Variants in N4BP2 observed in about 807,000 individuals in gnomAD.
The protein encoded by N4BP2 is NEDD4 binding protein 2.
A neutral mutation model predicts 152.8 loss-of-function variants in N4BP2; 91 were observed. The observed-to-expected ratio is 0.60, with a 90% confidence interval of 0.50 to 0.71. The LOEUF (loss-of-function observed/expected upper bound fraction) is 0.71, where lower values mean the gene tolerates loss of function less well. Ranked by LOEUF, N4BP2 falls within the 30% of genes least tolerant of loss-of-function variation. The probability of loss-of-function intolerance (pLI) is 0.00; values close to 1 mark genes in which losing one functional copy is unlikely to be tolerated. For missense variants in N4BP2, 1,923 were observed against 2,059.1 expected (o/e 0.93, Z 1.28); for synonymous variants, 646 against 705.3 (o/e 0.92, Z 1.33).
downstream of N4BP2, among the ~76,000 whole-genome samples, chr4:40,160,062 CA>C (rs1324867321): frequency 6.6e-6 from 1 of 151,958 alleles, no homozygotes; most frequent in Non-Finnish European, 1.5e-5. Context: ...TTAGGTGATC[CA>C]TCCGCCTCAG....
chr4:40,086,604 C>T (rs1713987089), intron 2 of N4BP2, among the ~76,000 whole-genome samples: 1 of 151,620 alleles, frequency 6.6e-6, no homozygotes, highest in South Asian at 2.1e-4. Context: ...TCCCAAAGTG[C>T]AATTGCAGGC....
chr4:40,070,973 C>T (rs570540385), intron 1 of N4BP2, among the ~76,000 whole-genome samples: 1 of 150,994 alleles, frequency 6.6e-6, no homozygotes, highest in African/African-American at 2.4e-5. Flanking sequence ...TACAGGTGTC[C>T]GCCACCATGC....
At chr4:40,166,461 G>T in the N4BP2 span, among the ~76,000 whole-genome samples, 6 of 152,178 alleles carry the variant, frequency 3.9e-5, no homozygotes, top group East Asian at 1.2e-3. Context: ...AGGCTGAGGC[G>T]GGTGGATCAC....
downstream of N4BP2, among the ~76,000 whole-genome samples, chr4:40,158,482 A>T (rs1721764847): frequency 6.6e-6 from 1 of 152,116 alleles, no homozygotes; most frequent in Non-Finnish European, 1.5e-5. Flanking sequence ...GTATCTTTTA[A>T]CTGATATCAA....
the N4BP2 span, among the ~76,000 whole-genome samples, chr4:40,188,293 G>A: frequency 6.8e-6 from 1 of 147,462 alleles, no homozygotes; most frequent in Non-Finnish European, 1.5e-5. Flanking sequence ...ATGTGCAAAG[G>A]TAGACTATGG....
At chr4:40,162,088 C>G (rs113964478), downstream of N4BP2, among the ~76,000 whole-genome samples, 1 of 152,110 alleles carries the variant, frequency 6.6e-6, no homozygotes, top group African/African-American at 2.4e-5. Context: ...CTTATGCCTC[C>G]GAAATCTCAC....
Position 40,122,087 on chromosome 4 carries a change from G to A in N4BP2, c.3976G>A (p.Asp1326Asn). ...TCCAAAGGATTATGTGAAATTTTCA[G>A]ATGAAGAAGAATTTATGAATGAAGA... ...NFPKDYVKFSDEEEFMNEDEK... is the reference protein window; with the variant it reads ...NFPKDYVKFSNEEEFMNEDEK... The change falls in exon 9 of 18, where the codon GAT becomes AAT. Residue 1326 changes from aspartate (D) to asparagine (N), a missense_variant. Asp to Asn is a conservative substitution (Grantham distance 23). Transcript: ENST00000261435. 6.4e-7 allele frequency: 1 copy of A among 1,569,996 alleles called. No individual in the cohort carries two copies. Among genetic ancestry groups the A allele is most frequent in the Non-Finnish European group, 8.6e-7 (1 of 1,156,202 alleles).
intron 13 of N4BP2, among the ~76,000 whole-genome samples, chr4:40,136,704 A>C (rs1018965630): frequency 3.6e-4 from 55 of 151,766 alleles, no homozygotes; most frequent in Admixed American, 3.6e-3. Context: ...CCAATATACT[A>C]TCTTTTGGCA....
At chr4:40,088,115 T>C (rs1040188840) in intron 2 of N4BP2, among the ~76,000 whole-genome samples, 9 of 152,234 alleles carry the variant, frequency 5.9e-5, no homozygotes, top group Non-Finnish European at 1.3e-4. Flanking sequence ...GTTGTATGCA[T>C]CAGTAATATG....
downstream of N4BP2, among the ~76,000 whole-genome samples, chr4:40,163,052 A>G (rs2109305748): frequency 6.6e-6 from 1 of 152,330 alleles, no homozygotes; most frequent in East Asian, 1.9e-4. Flanking sequence ...AGTACCTTTT[A>G]TGACTTAGTA....
rs147818251 is a variant in N4BP2, at chr4:40,128,287, C to T, written c.4527+1957C>T. ...ACACTTTCTTATTCGTTTGACTGCA[C>T]AAAGGAGCACCTTTATATTTGGCTG... On this transcript the variant is annotated intron_variant, in intron 12 of 17. Transcript: ENST00000261435. Among the ~76,000 whole-genome samples the T allele has an allele frequency of 7.3e-3, 1,118 of 152,256 alleles. 14 individuals are homozygous for T. The highest frequency in any genetic ancestry group is 0.026 in the African/African-American group (1,086 of 41,550).
chr4:40,076,542 G>A (rs569536101), intron 2 of N4BP2, among the ~76,000 whole-genome samples: 3 of 151,946 alleles, frequency 2.0e-5, no homozygotes, highest in Non-Finnish European at 2.9e-5. Context: ...CAGGCTGGGC[G>A]CAGTGGCGCC....
intron 1 of N4BP2, among the ~76,000 whole-genome samples, chr4:40,069,498 A>G (rs950970569): frequency 2.0e-5 from 3 of 152,132 alleles, no homozygotes; most frequent in East Asian, 3.9e-4. Context: ...TTTCTTCTCG[A>G]CATGTAAGGA....
the N4BP2 span, among the ~76,000 whole-genome samples, chr4:40,182,865 C>T: frequency 9.9e-5 from 15 of 152,094 alleles, no homozygotes; most frequent in South Asian, 1.9e-3. Flanking sequence ...TTAGTAGAGA[C>T]GGGGTTTCAC....
rs116705582 is a variant in N4BP2 at position 40,116,830 on chromosome 4, T to G, written c.1665-1039T>G. On this transcript the variant is annotated intron_variant, in intron 7 of 17. Coordinates refer to ENST00000261435, the MANE Select transcript of N4BP2 (RefSeq NM_018177.6). ...TATTGCCCTCATTCTTGTAAGATAC[T>G]TTTGCTGGATATGTATATTCTATAC... Among the ~76,000 whole-genome samples, 428 of 152,304 alleles carry G rather than the reference T, an allele frequency of 2.8e-3. 4 individuals carry two copies. The highest frequency in any genetic ancestry group is 9.3e-3 in the African/African-American group (388 of 41,578).
Position 40,142,843 on chromosome 4 carries a change from C to T in N4BP2, c.4956C>T (p.Ala1652=). 1 of 1,613,636 alleles carries T rather than the reference C, an allele frequency of 6.2e-7. No homozygotes were observed. Among genetic ancestry groups the T allele is most frequent in the Non-Finnish European group, 8.5e-7 (1 of 1,179,874 alleles). Residue 1652 remains alanine (A), a synonymous_variant, in exon 15 of 18, where the codon GCC becomes GCT. Transcript: ENST00000261435. ...ATCGGATAGGGAAAAAAAATGTCGC[C>T]ACCTTTTATGCCCAGCAGGTAAAGT... ...EAYRIGKKNV[A]TFYAQQGTLH...
chr4:40,126,113 AG>A lies in N4BP2; in HGVS notation c.4331-20del. ...ATACATTTATTGTTGAGAGTATGAC[AG>A]TATTTATACTACTTTGTAGATCCTT... On this transcript the variant is annotated intron_variant, in intron 11 of 17. Coordinates refer to ENST00000261435, the MANE Select transcript of N4BP2 (RefSeq NM_018177.6). 1.4e-6 allele frequency: 2 copies of A among 1,419,342 alleles called. No individual in the cohort carries two copies. The highest frequency in any genetic ancestry group is 1.9e-6 in the Non-Finnish European group (2 of 1,051,810). The allele number at this position is 1,419,342 out of a possible 1,614,324, so 87.9% of individuals were successfully genotyped here.
the N4BP2 span, among the ~76,000 whole-genome samples, chr4:40,181,742 G>A: frequency 6.6e-6 from 1 of 152,202 alleles, no homozygotes; most frequent in Non-Finnish European, 1.5e-5. Flanking sequence ...GAGGTCAGGA[G>A]TTCAAGACCA....
At chr4:40,133,127 CTG>C (rs1204848835) in intron 13 of N4BP2, among the ~76,000 whole-genome samples, 1 of 151,992 alleles carries the variant, frequency 6.6e-6, no homozygotes, top group African/African-American at 2.4e-5. Context: ...CTATTTTATG[CTG>C]TCTTATCATT....
Sources: allele counts gnomAD v4.1 joint callset (sites outside exome capture counted in the v4.1 genomes callset), GRCh38; gene constraint gnomAD v4.1.1; transcripts MANE v1.5; gene names NCBI Gene and HGNC (gene_info 2026-07-23, HGNC 2026-07-21).